RAD51B: variants seen among roughly 807,000 people sequenced by gnomAD.
The protein encoded by RAD51B is RAD51 paralog B.
RAD51B carries 38 observed loss-of-function variants against 42.2 expected under a neutral mutation model. The observed-to-expected ratio is 0.90, with a 90% CI of 0.70 to 1.18. The LOEUF (loss-of-function observed/expected upper bound fraction) is 1.18. RAD51B is among the 50% of genes most tolerant of loss of function. The pLI, the probability that RAD51B is intolerant of heterozygous loss-of-function variation, is 0.00. For missense variants in RAD51B, 373 were observed against 400.7 expected (o/e 0.93, Z 0.59); for synonymous variants, 154 against 145.2 (o/e 1.06, Z -0.43).
At chr14:68,105,413 G>A (rs2077360120) in intron 7 of RAD51B, among the ~76,000 whole-genome samples, 1 of 151,942 alleles carries the variant, frequency 6.6e-6, no homozygotes, top group African/African-American at 2.4e-5. Flanking sequence ...ATATATGTAT[G>A]ATTGATTATA....
At chr14:68,188,297 T>G (rs1397921649) in intron 7 of RAD51B, among the ~76,000 whole-genome samples, 1 of 151,844 alleles carries the variant, frequency 6.6e-6, no homozygotes, top group Non-Finnish European at 1.5e-5. Flanking sequence ...CTTCCCTTCT[T>G]CCTTTTTTTC....
At chr14:67,918,339 A>G (rs900242655) in intron 7 of RAD51B, among the ~76,000 whole-genome samples, 5 of 152,084 alleles carry the variant, frequency 3.3e-5, no homozygotes, top group Non-Finnish European at 7.4e-5. Context: ...GGTTCAAGCA[A>G]TTCTTCTGCC....
chr14:68,369,277 A>C (rs1488300033), intron 8 of RAD51B, among the ~76,000 whole-genome samples: 4 of 152,248 alleles, frequency 2.6e-5, no homozygotes. Flanking sequence ...TAAAATTTAG[A>C]AACCCATTTA....
chr14:68,109,317 G>T (rs556832129), intron 7 of RAD51B, among the ~76,000 whole-genome samples: 1 of 151,906 alleles, frequency 6.6e-6, no homozygotes, highest in African/African-American at 2.4e-5. Context: ...TTATAATGTG[G>T]CTGTGAGACC....
downstream of RAD51B, among the ~76,000 whole-genome samples, chr14:68,597,937 G>A (rs1048196698): frequency 9.9e-5 from 15 of 152,034 alleles, no homozygotes; most frequent in Non-Finnish European, 1.8e-4. Context: ...ACTGTATCTC[G>A]GGGGCACAAA....
In RAD51B at chr14:68,657,340, C is replaced by T. The variant is rs78605057; in HGVS notation, c.*11+6484C>T. ...TTGACCTCTTGAGACTCAGTTTCCC[C>T]GTCATTTAACAAAATTTTTTTGTAA... is the stretch of plus-strand genomic sequence containing the variant. On this transcript the variant is annotated intron_variant, in intron 11 of 11. Transcript: ENST00000488612. Among the ~76,000 whole-genome samples, 151 of 152,240 alleles carry T rather than the reference C, an allele frequency of 9.9e-4. 3 individuals are homozygous for T. The East Asian group carries it at 0.019, about 20-fold the overall frequency.
intron 5 of RAD51B, among the ~76,000 whole-genome samples, chr14:67,869,367 A>G (rs1435637614): frequency 4.6e-5 from 7 of 152,104 alleles, no homozygotes; most frequent in Non-Finnish European, 1.0e-4. Flanking sequence ...GAAATGAAGC[A>G]AGAAGGGAAG....
chr14:68,450,180 C>CAGA (rs1316680816), intron 9 of RAD51B, among the ~76,000 whole-genome samples: 1 of 134,450 alleles, frequency 7.4e-6, no homozygotes, highest in Non-Finnish European at 1.6e-5. Flanking sequence ...AAGCTGACAT[C>CAGA]AGAAAGGCCC....
In RAD51B at chr14:67,855,530, G is replaced by A. The variant is rs143314791; in HGVS notation, c.316-9473G>A. 9.2e-3 allele frequency among the ~76,000 whole-genome samples: 1,400 copies of A among 152,048 alleles called. 23 individuals carry two copies. Among genetic ancestry groups the A allele is most frequent in the African/African-American group, 0.032 (1,313 of 41,466 alleles). On this transcript the variant is annotated intron_variant, in intron 4 of 10. Transcript: ENST00000471583. ...GCTGGGATTATAGGCTTGAGCCACC[G>A]CACCCGGCCTATTATAGTTCTTTTT...
intron 7 of RAD51B, among the ~76,000 whole-genome samples, chr14:68,107,894 A>C (rs550105682): frequency 6.6e-6 from 1 of 151,864 alleles, no homozygotes; most frequent in Non-Finnish European, 1.5e-5. Context: ...CTTGAAAGAC[A>C]GTCCACAGAA....
chr14:68,430,019 T>G (rs1465643755), intron 9 of RAD51B, among the ~76,000 whole-genome samples: 1 of 152,206 alleles, frequency 6.6e-6, no homozygotes, highest in Non-Finnish European at 1.5e-5. Context: ...TTTCCCCATT[T>G]CTTGATTTTG....
chr14:68,606,333 A>C (rs1891445021), intron 10 of RAD51B, among the ~76,000 whole-genome samples: 1 of 152,090 alleles, frequency 6.6e-6, no homozygotes, highest in Non-Finnish European at 1.5e-5. Flanking sequence ...CTCTCCCACC[A>C]AGCTCCCAGG....
chr14:68,115,078 A>G (rs997946680), intron 7 of RAD51B, among the ~76,000 whole-genome samples: 4 of 141,386 alleles, frequency 2.8e-5, no homozygotes, highest in African/African-American at 1.3e-4. Context: ...TCATGCTGCT[A>G]TAAAGACACA....
chr14:68,545,836 T>C (rs1157076045), intron 10 of RAD51B, among the ~76,000 whole-genome samples: 1 of 152,198 alleles, frequency 6.6e-6, no homozygotes, highest in African/African-American at 2.4e-5. Flanking sequence ...TTGGGCCGCA[T>C]TAGTAAGACT....
intron 11 of RAD51B, among the ~76,000 whole-genome samples, chr14:68,667,906 G>A (rs1455516185): frequency 6.6e-6 from 1 of 152,136 alleles, no homozygotes; most frequent in Non-Finnish European, 1.5e-5. Context: ...CTAACTGAAG[G>A]CAGATCAGCC....
At chr14:68,518,236 G>A (rs1886297388) in intron 10 of RAD51B, among the ~76,000 whole-genome samples, 1 of 152,196 alleles carries the variant, frequency 6.6e-6, no homozygotes, top group South Asian at 2.1e-4. Context: ...GCGGGAACAT[G>A]GTTGTTTTCC....
intron 7 of RAD51B, among the ~76,000 whole-genome samples, chr14:68,134,328 G>A (rs2140692886): frequency 6.6e-6 from 1 of 152,154 alleles, no homozygotes; most frequent in Non-Finnish European, 1.5e-5. Context: ...ATGTACCATA[G>A]TTTGTTTAAC....
At chr14:68,592,883 A>G (rs1890818336) in intron 10 of RAD51B, among the ~76,000 whole-genome samples, 1 of 150,432 alleles carries the variant, frequency 6.6e-6, no homozygotes, top group Non-Finnish European at 1.5e-5. Context: ...ACTGAGTGAT[A>G]CGTCATTCTT....
chr14:68,081,757 A>T (rs2076915870), intron 7 of RAD51B, among the ~76,000 whole-genome samples: 3 of 152,084 alleles, frequency 2.0e-5, no homozygotes, highest in Admixed American at 2.0e-4. Flanking sequence ...CCTCTAGGGG[A>T]GAACACAGAT....
Sources: allele counts gnomAD v4.1 joint callset (sites outside exome capture counted in the v4.1 genomes callset), GRCh38; gene constraint gnomAD v4.1.1; transcripts MANE v1.5; gene names NCBI Gene and HGNC (gene_info 2026-07-23, HGNC 2026-07-21).